LEPR: variants seen among roughly 807,000 people sequenced by gnomAD.
LEPR encodes the protein leptin receptor.
Under a neutral mutation model 114.7 loss-of-function variants are expected in LEPR, and 56 were observed. The observed-to-expected ratio is 0.49, with a 90% CI of 0.39 to 0.61. The LOEUF is 0.61. LEPR is among the 20% of genes least tolerant of loss of function. LEPR has a pLI of 0.00. For synonymous variants in LEPR, 443 were observed against 461.4 expected, an observed-to-expected ratio of 0.96 and a Z score of 0.51; for missense variants, 1,202 against 1,352.9, an observed-to-expected ratio of 0.89 and a Z score of 1.75.
At chr1:65,571,100 A>C (rs1192644664) in intron 4 of LEPR, among the ~76,000 whole-genome samples, 3 of 152,196 alleles carry the variant, frequency 2.0e-5, no homozygotes, top group African/African-American at 7.2e-5. Flanking sequence ...ATATCAAATG[A>C]CTGATAATAT....
chr1:65,470,895 G>A (rs1484651347), intron 2 of LEPR, among the ~76,000 whole-genome samples: 1 of 152,192 alleles, frequency 6.6e-6, no homozygotes, highest in African/African-American at 2.4e-5. Flanking sequence ...TGTGGTGAGT[G>A]AAGTGGATGA....
At chr1:65,461,541 A>C (rs966580615) in intron 2 of LEPR, among the ~76,000 whole-genome samples, 1 of 152,240 alleles carries the variant, frequency 6.6e-6, no homozygotes, top group Non-Finnish European at 1.5e-5. Flanking sequence ...GTATAAATAA[A>C]TATCCACGAG....
chr1:65,547,007 T>G (rs1391876232), intron 2 of LEPR, among the ~76,000 whole-genome samples: 1 of 152,206 alleles, frequency 6.6e-6, no homozygotes, highest in Non-Finnish European at 1.5e-5. Flanking sequence ...TTGAGAGTTT[T>G]TAGCATGAAG....
chr1:65,529,120 AG>A (rs942124112), intron 2 of LEPR, among the ~76,000 whole-genome samples: 1 of 152,104 alleles, frequency 6.6e-6, no homozygotes, highest in Admixed American at 6.5e-5. Context: ...GCCCAAAAAA[AG>A]TTTTATATGA....
At chr1:65,431,786 C>T in intron 2 of LEPR, 1 of 1,607,880 alleles carries the variant, frequency 6.2e-7, no homozygotes, top group South Asian at 1.1e-5. Flanking sequence ...TTTAATCCTT[C>T]TTTTCTTGTC....
rs1654262601 is a variant in LEPR, at chr1:65,572,384, T to C, written c.429T>C (p.Tyr143=). The change falls in exon 5 of 20, where the codon TAT becomes TAC. Residue 143 remains tyrosine (Y), a synonymous_variant. Transcript: ENST00000349533. ...LKGDLKLFIC[Y]VESLFKNLFR... ...GAGACTTAAAATTATTCATCTGTTA[T>C]GTGGAGTCATTATTTAAGAATCTAT... The C allele has an allele frequency of 1.9e-6, 3 of 1,605,954 alleles. No individual in the cohort carries two copies. The highest frequency in any genetic ancestry group is 8.5e-7 in the Non-Finnish European group (1 of 1,175,260).
chr1:65,532,574 A>G (rs1383044604), intron 2 of LEPR, among the ~76,000 whole-genome samples: 1 of 152,180 alleles, frequency 6.6e-6, no homozygotes, highest in Non-Finnish European at 1.5e-5. Context: ...AAAAAACAGA[A>G]ACTGCCCAAA....
chr1:65,633,240 T>G lies in LEPR; in HGVS notation c.2674-2951T>G, dbSNP rs971248042. On this transcript the variant is annotated intron_variant, in intron 19 of 19. Coordinates refer to ENST00000349533, the MANE Select transcript of LEPR (RefSeq NM_002303.6). The surrounding 1 kb of genome is among the most constrained non-coding windows in gnomAD (Gnocchi z 4.1). ...CAACAGTCTATAGAGTATTAGAAGA[T>G]TTTTACATTTTGAAGAAGGGGAGCA... 12 of 1,579,834 alleles carry G rather than the reference T, an allele frequency of 7.6e-6. No homozygotes were observed. In the East Asian group the frequency reaches 2.7e-4, roughly 36 times the overall value.
chr1:65,541,591 A>G (rs1192225663), intron 2 of LEPR, among the ~76,000 whole-genome samples: 1 of 152,178 alleles, frequency 6.6e-6, no homozygotes, highest in Non-Finnish European at 1.5e-5. Flanking sequence ...TTATATTCCA[A>G]GTGAATAAAT....
At chr1:65,476,762 C>T (rs1264137108) in intron 2 of LEPR, among the ~76,000 whole-genome samples, 1 of 152,104 alleles carries the variant, frequency 6.6e-6, no homozygotes, top group Non-Finnish European at 1.5e-5. Flanking sequence ...TTCAGTAACC[C>T]AATTGAGGGG....
chr1:65,577,902 T>A (rs1337609689), intron 5 of LEPR: 1 of 151,090 alleles, frequency 6.6e-6, no homozygotes, highest in Non-Finnish European at 1.5e-5. Context: ...GGTGGTTTGC[T>A]GCACCCATCA....
intron 2 of LEPR, among the ~76,000 whole-genome samples, chr1:65,456,577 C>T (rs75531805): frequency 6.6e-6 from 1 of 152,234 alleles, no homozygotes; most frequent in African/African-American, 2.4e-5. Flanking sequence ...CTCTTTGTCC[C>T]TGATAACTAT....
chr1:65,607,885 C>T (rs1656915151), intron 11 of LEPR, among the ~76,000 whole-genome samples: 1 of 152,164 alleles, frequency 6.6e-6, no homozygotes, highest in South Asian at 2.1e-4. Context: ...GGAAGATAAC[C>T]TTTTTCTTTG....
chr1:65,552,443 C>G (rs1208193001), intron 2 of LEPR, among the ~76,000 whole-genome samples: 1 of 152,112 alleles, frequency 6.6e-6, no homozygotes, highest in Non-Finnish European at 1.5e-5. Flanking sequence ...GCATTGATCC[C>G]TTTACCATTA....
In LEPR at chr1:65,621,618, G is replaced by C. The variant is rs4655743; in HGVS notation, c.2597+160G>C. On this transcript the variant is annotated intron_variant, in intron 18 of 19. Coordinates refer to ENST00000349533, the MANE Select transcript of LEPR (RefSeq NM_002303.6). ...AGCATAAAAAGGAAAGGCCTGTTGT[G>C]AGGAAATGGCATTCCATTTTGCTAG... Among the ~76,000 whole-genome samples, 70,437 of 151,990 alleles carry C rather than the reference G, an allele frequency of 0.46. 17,220 individuals are homozygous for C. The highest frequency in any genetic ancestry group is 0.87 in the East Asian group (4,507 of 5,180).
chr1:65,634,074 G>A (rs2101043039), intron 19 of LEPR: 1 of 985,244 alleles, frequency 1.0e-6, no homozygotes, highest in South Asian at 4.7e-5. Context: ...AATAGTTCAT[G>A]GTGAGGACAG....
intron 2 of LEPR, among the ~76,000 whole-genome samples, chr1:65,459,961 C>A (rs1344897503): frequency 1.3e-5 from 2 of 152,056 alleles, no homozygotes; most frequent in African/African-American, 4.8e-5. Context: ...TTAAATGTGA[C>A]CTCATTTGAA....
intron 5 of LEPR, among the ~76,000 whole-genome samples, chr1:65,573,914 T>C (rs1365818762): frequency 6.6e-6 from 1 of 152,194 alleles, no homozygotes; most frequent in African/African-American, 2.4e-5. Flanking sequence ...TTAAATTTTA[T>C]ATACATTTTA....
intron 2 of LEPR, chr1:65,432,978 A>C: frequency 1.0e-6 from 1 of 985,428 alleles, no homozygotes; most frequent in Non-Finnish European, 1.2e-6. Flanking sequence ...CCCCCAAAAA[A>C]ACATCTCAGT....
Sources: allele counts gnomAD v4.1 joint callset (sites outside exome capture counted in the v4.1 genomes callset), GRCh38; gene constraint gnomAD v4.1.1; non-coding constraint Gnocchi (gnomAD v3.1); transcripts MANE v1.5; gene names NCBI Gene and HGNC (gene_info 2026-07-23, HGNC 2026-07-21).